ALG5: variants seen among roughly 807,000 people sequenced by gnomAD.
ALG5 encodes ALG5 dolichyl-phosphate beta-glucosyltransferase, also known as dolichyl-phosphate beta-glucosyltransferase.
ALG5 carries 26 observed loss-of-function variants against 51.8 expected under a neutral mutation model. The ratio of observed to expected loss-of-function variants is 0.50; its 90% confidence interval spans 0.37 to 0.70. The LOEUF (loss-of-function observed/expected upper bound fraction) is 0.70, where lower values mean the gene tolerates loss of function less well. ALG5 is among the 30% of genes least tolerant of loss of function. The pLI, the probability that ALG5 is intolerant of heterozygous loss-of-function variation, is 0.00. For missense variants in ALG5, 311 were observed against 399.3 expected, an observed-to-expected ratio of 0.78 and a Z score of 1.88; for synonymous variants, 141 against 136.1, an observed-to-expected ratio of 1.04 and a Z score of -0.25.
At chr13:36,995,288 C>T in intron 2 of ALG5, 137 bp downstream of exon 2, 5 of 980,628 alleles carry the variant, frequency 5.1e-6, no homozygotes, top group Non-Finnish European at 3.0e-6. Flanking sequence ...CTCTGCCGAA[C>T]TACAACAATT....
chr13:36,968,824 G>A (rs938332559), intron 7 of ALG5, among the ~76,000 whole-genome samples: 5 of 152,214 alleles, frequency 3.3e-5, no homozygotes, highest in African/African-American at 9.7e-5. Flanking sequence ...GACATGAGGC[G>A]GATGCATGTC....
intron 6 of ALG5, among the ~76,000 whole-genome samples, chr13:36,981,511 T>C (rs1434500008): frequency 1.3e-5 from 2 of 152,192 alleles, no homozygotes; most frequent in South Asian, 2.1e-4. Flanking sequence ...AAAACAGCTA[T>C]TGCCCTAAGA....
intron 6 of ALG5, 126 bp downstream of exon 6, chr13:36,985,501 T>C: frequency 3.1e-6 from 2 of 642,030 alleles, no homozygotes; most frequent in Non-Finnish European, 5.3e-6. Flanking sequence ...GGCTGTACCA[T>C]TTGTATAAGG....
chr13:36,994,071 G>A (rs2059037732), intron 3 of ALG5, among the ~76,000 whole-genome samples: 1 of 152,072 alleles, frequency 6.6e-6, no homozygotes, highest in Non-Finnish European at 1.5e-5. Flanking sequence ...ATGACCTTGG[G>A]CAACTTAACT....
At chr13:36,967,895 T>A (rs1373002613) in intron 7 of ALG5, 1 of 819,612 alleles carries the variant, frequency 1.2e-6, no homozygotes. Context: ...TCTCCTTGAG[T>A]GATTTTTAAT....
At chr13:36,957,379 C>CA (rs573909356) in intron 8 of ALG5, among the ~76,000 whole-genome samples, 266 of 151,920 alleles carry the variant, frequency 1.8e-3, no homozygotes, top group African/African-American at 6.2e-3. Context: ...AGAAAAGGCC[C>CA]AAGAGGCAAT....
At chr13:36,983,645 T>C (rs2058989374) in intron 6 of ALG5, among the ~76,000 whole-genome samples, 1 of 152,096 alleles carries the variant, frequency 6.6e-6, no homozygotes, top group Admixed American at 6.5e-5. Context: ...TAAATTTTCA[T>C]TTTATTTAAA....
At chr13:36,957,681 T>C (rs1346692039) in intron 8 of ALG5, among the ~76,000 whole-genome samples, 1 of 152,136 alleles carries the variant, frequency 6.6e-6, no homozygotes, top group East Asian at 1.9e-4. Context: ...AAGCGGGACT[T>C]AGCCCATATG....
chr13:36,985,092 C>T (rs1222529790), intron 6 of ALG5, among the ~76,000 whole-genome samples: 1 of 151,420 alleles, frequency 6.6e-6, no homozygotes, highest in African/African-American at 2.4e-5. Context: ...GGCAAACGCT[C>T]AGGATCCTGA....
chr13:36,995,099 G>T (rs138898286), intron 2 of ALG5, 64 bp from the exon 3 acceptor site: 1 of 1,399,460 alleles, frequency 7.1e-7, no homozygotes, highest in Non-Finnish European at 1.0e-6. Context: ...GGCACATTCA[G>T]CTTACATACA....
intron 4 of ALG5, among the ~76,000 whole-genome samples, chr13:36,991,499 A>C (rs1482749414): frequency 6.6e-6 from 1 of 152,244 alleles, no homozygotes; most frequent in East Asian, 1.9e-4. Context: ...ACTGTTAACT[A>C]GCTGCCAAAC....
chr13:36,972,869 G>A (rs569892704), intron 6 of ALG5, among the ~76,000 whole-genome samples: 1 of 151,822 alleles, frequency 6.6e-6, no homozygotes, highest in Admixed American at 6.6e-5. Flanking sequence ...GCGGGCGCCT[G>A]TAATCCCAGC....
intron 7 of ALG5, chr13:36,967,816 A>C: frequency 8.2e-7 from 1 of 1,225,580 alleles, no homozygotes; most frequent in Non-Finnish European, 1.1e-6. Flanking sequence ...TGCTTAGGAA[A>C]GGAACAAATA....
chr13:36,971,893 G>A (rs1369193487), intron 7 of ALG5, 84 bp downstream of exon 7: 4 of 1,034,510 alleles, frequency 3.9e-6, no homozygotes, highest in Non-Finnish European at 5.7e-6. Flanking sequence ...AGACATAAAA[G>A]CCAGTTTCTT....
intron 4 of ALG5, among the ~76,000 whole-genome samples, chr13:36,989,916 A>G (rs999965418): frequency 2.6e-5 from 4 of 152,242 alleles, no homozygotes; most frequent in African/African-American, 9.6e-5. Context: ...GCCATGTGCT[A>G]TCTGACTGGT....
intron 3 of ALG5, among the ~76,000 whole-genome samples, chr13:36,993,921 T>C (rs1246678586): frequency 1.3e-5 from 2 of 152,234 alleles, no homozygotes; most frequent in African/African-American, 4.8e-5. Context: ...CAGTCTGCCC[T>C]GTACCTTGGT....
intron 8 of ALG5, among the ~76,000 whole-genome samples, chr13:36,964,207 C>T (rs1185152955): frequency 2.0e-5 from 3 of 151,976 alleles, no homozygotes; most frequent in African/African-American, 4.8e-5. Context: ...TGAGAAGGGG[C>T]GTGGTTAGAA....
chr13:36,960,735 G>A (rs576669809), intron 8 of ALG5, among the ~76,000 whole-genome samples: 9 of 151,116 alleles, frequency 6.0e-5, no homozygotes, highest in African/African-American at 1.2e-4. Flanking sequence ...TCCACCTCCC[G>A]GGTTCAAGTG....
intron 2 of ALG5, 85 bp downstream of exon 2, chr13:36,995,340 T>C: frequency 7.2e-7 from 1 of 1,387,394 alleles, no homozygotes; most frequent in South Asian, 1.3e-5. Context: ...ATTAATGTTT[T>C]GGCAAAGACA....
Sources: allele counts gnomAD v4.1 joint callset (sites outside exome capture counted in the v4.1 genomes callset), GRCh38; gene constraint gnomAD v4.1.1; transcripts MANE v1.5; gene names NCBI Gene and HGNC (gene_info 2026-07-23, HGNC 2026-07-21).